The following HHAT variants were observed in gnomAD, a reference collection of about 807,000 sequenced individuals.
HHAT encodes hedgehog acyltransferase.
HHAT carries 47 observed loss-of-function variants against 70.8 expected under a neutral mutation model. The ratio of observed to expected loss-of-function variants is 0.66; its 90% CI spans 0.53 to 0.85. The LOEUF (loss-of-function observed/expected upper bound fraction) is 0.85. HHAT is among the 40% of genes least tolerant of loss of function. The probability of loss-of-function intolerance (pLI) is 0.00; values close to 1 mark genes in which losing one functional copy is unlikely to be tolerated. For missense variants in HHAT, 609 were observed against 604.8 expected, an observed-to-expected ratio of 1.01 and a Z score of -0.07; for synonymous variants, 228 against 247.6, an observed-to-expected ratio of 0.92 and a Z score of 0.74.
intron 10 of HHAT, among the ~76,000 whole-genome samples, chr1:210,603,214 A>G (rs938086592): frequency 2.6e-5 from 4 of 151,980 alleles, no homozygotes; most frequent in Admixed American, 1.3e-4. Context: ...GCTTAATGCA[A>G]ACTCTCACCT....
intron 10 of HHAT, among the ~76,000 whole-genome samples, chr1:210,617,964 CAA>C (rs1268279078): frequency 6.6e-6 from 1 of 152,120 alleles, no homozygotes; most frequent in Middle Eastern, 3.2e-3. Flanking sequence ...TTATTTAGGG[CAA>C]AGAGCGAGAT....
At chr1:210,414,155 C>G (rs2092647421) in intron 6 of HHAT, among the ~76,000 whole-genome samples, 1 of 152,162 alleles carries the variant, frequency 6.6e-6, no homozygotes, top group South Asian at 2.1e-4. Flanking sequence ...CTTCCTTGTT[C>G]ATAGATTGGC....
rs2092791306 is a variant in HHAT, at chr1:210,418,423, CCTA to C, written c.856+99_856+101del. 5.3e-5 allele frequency: 58 copies of C among 1,090,686 alleles called. No homozygotes were observed. The South Asian group carries it at 9.6e-4, about 18-fold the overall frequency. 67.6% of individuals were successfully genotyped at this position (1,090,686 alleles called of 1,614,324 possible). A position where few individuals can be genotyped will look rare whatever the true frequency, so the allele number is the denominator to read the frequency against. ...TGGGGGGTGAGCAGGGGTGCAGGTGCCTATAGCAAACCCTCTTTATTATTATTT... is the reference window on the plus strand; with the variant it reads ...TGGGGGGTGAGCAGGGGTGCAGGTGCTAGCAAACCCTCTTTATTATTATTT... On this transcript the variant is annotated intron_variant, in intron 7 of 11. Transcript: ENST00000261458.
intron 11 of HHAT, among the ~76,000 whole-genome samples, chr1:210,646,261 AT>A (rs869212833): frequency 1.3e-5 from 2 of 152,336 alleles, no homozygotes; most frequent in African/African-American, 4.8e-5. Flanking sequence ...TTTAAGGCCT[AT>A]TTTTAAAAAC....
intron 8 of HHAT, among the ~76,000 whole-genome samples, chr1:210,483,601 T>C (rs1306023047): frequency 2.1e-5 from 2 of 93,170 alleles, no homozygotes; most frequent in African/African-American, 6.7e-5. Context: ...CATTTATGTC[T>C]AATAGCTATC....
chr1:210,653,585 C>T (rs940940154), intron 11 of HHAT, among the ~76,000 whole-genome samples: 1 of 149,384 alleles, frequency 6.7e-6, no homozygotes, highest in Non-Finnish European at 1.5e-5. Flanking sequence ...TGTGTACATA[C>T]AATATTTGTG....
intron 8 of HHAT, among the ~76,000 whole-genome samples, chr1:210,498,956 G>T (rs935433713): frequency 2.6e-5 from 4 of 151,930 alleles, no homozygotes; most frequent in Non-Finnish European, 4.4e-5. Flanking sequence ...TTTTGGTAGA[G>T]ACCAGGTTTC....
At chr1:210,601,241 G>A (rs1333433294) in intron 10 of HHAT, among the ~76,000 whole-genome samples, 2 of 152,146 alleles carry the variant, frequency 1.3e-5, no homozygotes, top group Admixed American at 6.5e-5. Flanking sequence ...ATTGATCAAC[G>A]TGATCCAAAC....
intron 8 of HHAT, among the ~76,000 whole-genome samples, chr1:210,474,120 A>G (rs1464397230): frequency 6.6e-6 from 1 of 152,142 alleles, no homozygotes; most frequent in African/African-American, 2.4e-5. Flanking sequence ...TTGGGGATCC[A>G]CAAGCCACTG....
chr1:210,632,169 G>A (rs1670996565), intron 11 of HHAT, among the ~76,000 whole-genome samples: 4 of 152,216 alleles, frequency 2.6e-5, no homozygotes, highest in African/African-American at 9.6e-5. Context: ...TGTTACGGTT[G>A]AATTGTGCCC....
At chr1:210,561,492 A>G (rs1161698002) in intron 9 of HHAT, among the ~76,000 whole-genome samples, 5 of 152,154 alleles carry the variant, frequency 3.3e-5, no homozygotes, top group African/African-American at 2.4e-5. Flanking sequence ...TTTCTACCTC[A>G]TATCATAGGT....
At chr1:210,663,209 A>G (rs1209076990) in intron 11 of HHAT, among the ~76,000 whole-genome samples, 3 of 152,188 alleles carry the variant, frequency 2.0e-5, no homozygotes, top group East Asian at 3.9e-4. Context: ...GCGACAAGAA[A>G]GGGCGGCCCC....
intron 10 of HHAT, among the ~76,000 whole-genome samples, chr1:210,596,542 C>T (rs1230818750): frequency 6.6e-6 from 1 of 151,968 alleles, no homozygotes; most frequent in Non-Finnish European, 1.5e-5. Context: ...ACTGTATTTT[C>T]ATATAGCTCA....
At chr1:210,353,561 G>A (rs563961485) in intron 2 of HHAT, among the ~76,000 whole-genome samples, 1 of 150,580 alleles carries the variant, frequency 6.6e-6, no homozygotes, top group African/African-American at 2.4e-5. Context: ...ACATTTTATA[G>A]CTTTCTAGGA....
At chr1:210,458,164 G>A (rs1188078590) in intron 7 of HHAT, among the ~76,000 whole-genome samples, 1 of 152,126 alleles carries the variant, frequency 6.6e-6, no homozygotes, top group Non-Finnish European at 1.5e-5. Flanking sequence ...TCCCAAGTGT[G>A]GATTGACTCT....
At chr1:210,556,174 G>A (rs536000284) in intron 9 of HHAT, among the ~76,000 whole-genome samples, 27 of 152,166 alleles carry the variant, frequency 1.8e-4, no homozygotes, top group African/African-American at 6.3e-4. Flanking sequence ...CATGGAGGGC[G>A]TGTAAATTGC....
chr1:210,395,017 C>T (rs1023700312), intron 4 of HHAT, among the ~76,000 whole-genome samples: 1 of 151,412 alleles, frequency 6.6e-6, no homozygotes, highest in Non-Finnish European at 1.5e-5. Context: ...ATATATAATA[C>T]ATATATATTT....
intron 9 of HHAT, among the ~76,000 whole-genome samples, chr1:210,572,628 T>C (rs138582937): frequency 1.7e-3 from 264 of 152,276 alleles, no homozygotes; most frequent in Middle Eastern, 0.017. Context: ...GTTTTGTGGC[T>C]CGTGCCTGTA....
rs142856619 is a variant in HHAT, at chr1:210,476,506, A to C, written c.1007+11851A>C. ...ATTCCTCTCACTCACCTTACTGGCA[A>C]TAGTGCAGAACAAGTCTTCATTCCT... On this transcript the variant is annotated intron_variant, in intron 8 of 11. Transcript: ENST00000261458. Among the ~76,000 whole-genome samples, 155 of 152,280 alleles carry C rather than the reference A, an allele frequency of 1.0e-3. 1 individual carries two copies. Among genetic ancestry groups the C allele is most frequent in the African/African-American group, 3.7e-3 (152 of 41,550 alleles).
Sources: gnomAD v4.1 joint callset for allele counts (sites outside exome capture counted in the v4.1 genomes callset) on GRCh38, gnomAD v4.1.1 for gene constraint, MANE v1.5 for transcripts, NCBI Gene and HGNC (gene_info 2026-07-23, HGNC 2026-07-21) for gene names.